The following WDPCP variants were observed in gnomAD, a reference collection of about 807,000 sequenced individuals.
The protein encoded by WDPCP is WD repeat-containing and planar cell polarity effector protein fritz homolog.
A neutral mutation model predicts 93.1 loss-of-function variants in WDPCP; 71 were observed. The ratio of observed to expected loss-of-function variants is 0.76; its 90% CI spans 0.63 to 0.93. The LOEUF (loss-of-function observed/expected upper bound fraction) is 0.93. Among genes scored for constraint, WDPCP ranks in the 40% least tolerant of loss-of-function variants. The probability of loss-of-function intolerance (pLI) is 0.00; values close to 1 mark genes in which losing one functional copy is unlikely to be tolerated. For synonymous variants in WDPCP, 315 were observed against 315.0 expected (o/e 1.00, Z 0.00); for missense variants, 844 against 887.4 (o/e 0.95, Z 0.62).
At chr2:63,762,955 T>A (rs1163111362) in intron 2 of WDPCP, among the ~76,000 whole-genome samples, 1 of 152,104 alleles carries the variant, frequency 6.6e-6, no homozygotes, top group Non-Finnish European at 1.5e-5. Flanking sequence ...ATAAAAAAAA[T>A]TTGCTGAGTT....
At chr2:63,765,451 G>A (rs1053643071) in intron 2 of WDPCP, among the ~76,000 whole-genome samples, 1 of 152,206 alleles carries the variant, frequency 6.6e-6, no homozygotes, top group Admixed American at 6.5e-5. Context: ...CTGCCAGCAA[G>A]CAAACCAGCC....
In WDPCP at chr2:63,322,426, T is replaced by C. The variant is rs1309482671; in HGVS notation, c.1749-9115A>G. Among the ~76,000 whole-genome samples, 3 of 152,308 alleles carry C rather than the reference T, an allele frequency of 2.0e-5. No homozygotes were observed. The East Asian group carries it at 5.8e-4, about 29-fold the overall frequency. ...ATAAATCTTGCTGCTGCTCACTCTT[T>C]GGGTCCATGCTGCCTTTATGAGCTG... On this transcript the variant is annotated intron_variant, in intron 12 of 17. Transcript: ENST00000272321.
intron 3 of WDPCP, among the ~76,000 whole-genome samples, chr2:63,606,353 A>C (rs1709527876): frequency 6.6e-6 from 1 of 152,218 alleles, no homozygotes. Context: ...TCCACCAGGC[A>C]ACAGAACGGG....
At chr2:63,627,676 A>G (rs1183458038) in intron 3 of WDPCP, among the ~76,000 whole-genome samples, 1 of 152,184 alleles carries the variant, frequency 6.6e-6, no homozygotes, top group Non-Finnish European at 1.5e-5. Context: ...GGGACTTCGG[A>G]GCAGAGTCCC....
At chr2:63,733,183 ATTTTTTTTTTTT>A (rs70965141) in intron 2 of WDPCP, among the ~76,000 whole-genome samples, 3 of 94,934 alleles carry the variant, frequency 3.2e-5, no homozygotes, top group Non-Finnish European at 4.0e-5. Flanking sequence ...CAAATAAATG[ATTTTTTTTTTTT>A]TTTTTTTTTT....
At chr2:63,782,328 C>A (rs564184578) in intron 2 of WDPCP, among the ~76,000 whole-genome samples, 2 of 152,184 alleles carry the variant, frequency 1.3e-5, no homozygotes, top group African/African-American at 4.8e-5. Flanking sequence ...TTTAATTAAA[C>A]TAAAAAGCTT....
At chr2:63,158,786 A>G (rs1672439582) in intron 15 of WDPCP, among the ~76,000 whole-genome samples, 1 of 151,858 alleles carries the variant, frequency 6.6e-6, no homozygotes, top group South Asian at 2.1e-4. Flanking sequence ...CTTCAAGTTC[A>G]TTGACTTCCC....
intron 14 of WDPCP, chr2:63,228,368 T>G (rs1678469733): frequency 6.7e-6 from 1 of 149,586 alleles, no homozygotes; most frequent in Admixed American, 6.7e-5. Context: ...TTTTGTTTTA[T>G]TTTGTTCTTT....
At chr2:63,330,009 G>A (rs996869917) in intron 12 of WDPCP, among the ~76,000 whole-genome samples, 3 of 152,112 alleles carry the variant, frequency 2.0e-5, no homozygotes, top group Admixed American at 6.6e-5. Context: ...AAATTAGGTT[G>A]TTTCCGTATC....
intron 2 of WDPCP, among the ~76,000 whole-genome samples, chr2:63,768,542 T>TCAATC (rs938547787): frequency 1.2e-4 from 19 of 152,062 alleles, no homozygotes; most frequent in African/African-American, 4.3e-4. Context: ...CCAAGCCAAT[T>TCAATC]CAATCAGAAT....
chr2:63,504,367 T>TGTGTGTGA (rs1021597028), intron 1 of WDPCP, among the ~76,000 whole-genome samples: 2 of 144,362 alleles, frequency 1.4e-5, no homozygotes, highest in Admixed American at 7.0e-5. Context: ...TGTGTGTGTG[T>TGTGTGTGA]GATGTATTTT....
intron 12 of WDPCP, among the ~76,000 whole-genome samples, chr2:63,362,274 T>TTTGTTTG (rs764194233): frequency 8.6e-5 from 5 of 58,058 alleles, no homozygotes; most frequent in African/African-American, 9.7e-5. Flanking sequence ...TTTTTTTTTT[T>TTTGTTTG]GGTTGTGTGT....
intron 2 of WDPCP, among the ~76,000 whole-genome samples, chr2:63,652,026 A>G (rs1710114939): frequency 6.6e-6 from 1 of 152,248 alleles, no homozygotes; most frequent in African/African-American, 2.4e-5. Context: ...ATTAATTTAA[A>G]CCCACAGTCT....
intron 12 of WDPCP, among the ~76,000 whole-genome samples, chr2:63,367,496 T>C (rs1691008567): frequency 6.6e-6 from 1 of 152,164 alleles, no homozygotes; most frequent in East Asian, 1.9e-4. Flanking sequence ...GTGAATGTTT[T>C]ATACACACAC....
chr2:63,776,655 C>CA (rs778768889), intron 2 of WDPCP, among the ~76,000 whole-genome samples: 14,994 of 53,290 alleles, frequency 0.28, 2,099 homozygotes, highest in Non-Finnish European at 0.34. Context: ...GGCCCTGTCT[C>CA]AAAAAAAAAA....
chr2:63,179,299 G>A (rs1327786209), intron 14 of WDPCP, among the ~76,000 whole-genome samples: 1 of 151,532 alleles, frequency 6.6e-6, no homozygotes, highest in African/African-American at 2.4e-5. Flanking sequence ...GCATGATGCT[G>A]GCATCTGCTC....
At chr2:63,330,809 T>C (rs976281668) in intron 12 of WDPCP, among the ~76,000 whole-genome samples, 3 of 152,002 alleles carry the variant, frequency 2.0e-5, no homozygotes, top group South Asian at 4.2e-4. Flanking sequence ...CATCTAGTTA[T>C]GTTTTGGTAT....
At position 63,146,740 on chromosome 2, in the gene WDPCP, C is replaced by G. The variant is rs531555730; in HGVS notation, c.2190+6174G>C. 3.3e-5 allele frequency among the ~76,000 whole-genome samples: 5 copies of G among 152,170 alleles called. No homozygotes were observed. In the East Asian group the frequency reaches 9.7e-4, roughly 29 times the overall value. On this transcript the variant is annotated intron_variant, in intron 17 of 17. Transcript: ENST00000272321. ...CTAAAGAGGCGAAGTGTATGGATAT[C>G]TGCAACTTACTTTGAAATGTATCAA...
At chr2:63,508,436 C>T (rs915814981) in intron 1 of WDPCP, among the ~76,000 whole-genome samples, 2 of 152,112 alleles carry the variant, frequency 1.3e-5, no homozygotes, top group Non-Finnish European at 2.9e-5. Flanking sequence ...CTGAAGGAAG[C>T]ACTAAATATG....
Sources: allele counts gnomAD v4.1 joint callset (sites outside exome capture counted in the v4.1 genomes callset), GRCh38; gene constraint gnomAD v4.1.1; transcripts MANE v1.5; gene names NCBI Gene and HGNC (gene_info 2026-07-23, HGNC 2026-07-21).